Variants in LPAR3 observed in about 807,000 individuals in gnomAD.
LPAR3 encodes lysophosphatidic acid receptor 3, also known as LPA receptor 3.
Under a neutral mutation model 17.8 loss-of-function variants are expected in LPAR3, and 7 were observed. That is an observed-to-expected ratio of 0.39 (90% confidence interval 0.22 to 0.74). LPAR3 has a LOEUF of 0.74. Ranked by LOEUF, LPAR3 falls within the 30% of genes least tolerant of loss-of-function variation. The pLI is 0.40. For missense variants in LPAR3, 391 were observed against 453.4 expected, an observed-to-expected ratio of 0.86 and a Z score of 1.25; for synonymous variants, 179 against 179.9, an observed-to-expected ratio of 0.99 and a Z score of 0.04.
At chr1:84,825,352 G>A (rs941639848) in intron 2 of LPAR3, among the ~76,000 whole-genome samples, 11 of 152,210 alleles carry the variant, frequency 7.2e-5, no homozygotes, top group Non-Finnish European at 1.2e-4. Context: ...TTTGTTAAGT[G>A]TCAGGCACTG....
chr1:84,883,558 T>C (rs1355349363), intron 1 of LPAR3, among the ~76,000 whole-genome samples: 1 of 152,220 alleles, frequency 6.6e-6, no homozygotes, highest in African/African-American at 2.4e-5. Context: ...ACACATTCAC[T>C]GATATACTAG....
intron 2 of LPAR3, among the ~76,000 whole-genome samples, chr1:84,840,684 A>G (rs1659489447): frequency 4.6e-5 from 7 of 152,258 alleles, no homozygotes; most frequent in Admixed American, 4.6e-4. Flanking sequence ...TGAACAATTT[A>G]GTCATTGACA....
At position 84,813,781 on chromosome 1, in the gene LPAR3, A is replaced by G. The variant is rs1020123980; in HGVS notation, c.*65T>C. On this transcript the variant is annotated 3_prime_UTR_variant, in exon 3 of 3. Coordinates refer to ENST00000370611, the MANE Select transcript of LPAR3 (RefSeq NM_012152.3). ...ACTGTACATGGGCTTTGTTAGAGACAGGTAATCATTCTTAACAGCTCTTTT... is the reference window on the plus strand; with the variant it reads ...ACTGTACATGGGCTTTGTTAGAGACGGGTAATCATTCTTAACAGCTCTTTT... 3.3e-5 allele frequency: 41 copies of G among 1,260,512 alleles called. No homozygotes were observed. The Admixed American group carries it at 7.4e-4, about 23-fold the overall frequency. The allele number at this position is 1,260,512 out of a possible 1,614,324, so 78.1% of individuals were successfully genotyped here.
At chr1:84,877,074 T>C (rs1224920067) in intron 1 of LPAR3, among the ~76,000 whole-genome samples, 1 of 152,208 alleles carries the variant, frequency 6.6e-6, no homozygotes, top group Non-Finnish European at 1.5e-5. Flanking sequence ...TTGTGCACCA[T>C]GGAAATTTCA....
In LPAR3 at chr1:84,836,006, CTTTTTTTTTTT is replaced by C. The variant is rs34491570; in HGVS notation, c.737-21846_737-21836del. 1.5e-4 allele frequency among the ~76,000 whole-genome samples: 9 copies of C among 61,744 alleles called. No individual in the cohort carries two copies. In the Admixed American group the frequency reaches 1.6e-3, roughly 11 times the overall value. The allele number at this position is 61,744 out of a possible 152,430, so 40.5% of individuals were successfully genotyped here. A position where few individuals can be genotyped will look rare whatever the true frequency, so the allele number is the denominator to read the frequency against. ...ATATGAATGCCCCCCCAACCCCGGC[CTTTTTTTTTTT>C]TTTTTTTTTTTTTTTTACTTAGAAA... On this transcript the variant is annotated intron_variant, in intron 2 of 2. Coordinates refer to ENST00000370611, the MANE Select transcript of LPAR3 (RefSeq NM_012152.3).
intron 1 of LPAR3, among the ~76,000 whole-genome samples, chr1:84,880,686 A>G (rs1313127940): frequency 6.6e-6 from 1 of 152,186 alleles, no homozygotes; most frequent in Non-Finnish European, 1.5e-5. Context: ...GCGGTAACTG[A>G]CCTGTGGAAC....
chr1:84,840,166 C>T (rs1038361389), intron 2 of LPAR3, among the ~76,000 whole-genome samples: 12 of 152,184 alleles, frequency 7.9e-5, no homozygotes, highest in East Asian at 3.9e-4. Context: ...TCAGGCAGTT[C>T]TCCTGCCTTG....
intron 1 of LPAR3, among the ~76,000 whole-genome samples, chr1:84,883,178 C>G (rs1247457677): frequency 6.6e-6 from 1 of 152,188 alleles, no homozygotes; most frequent in African/African-American, 2.4e-5. Flanking sequence ...CAGTCCACTT[C>G]AAGGTCTAGA....
chr1:84,880,850 C>A (rs1660351861), intron 1 of LPAR3, among the ~76,000 whole-genome samples: 2 of 152,146 alleles, frequency 1.3e-5, no homozygotes, highest in African/African-American at 4.8e-5. Context: ...GAAGGACTTC[C>A]CAGGGGACAA....
chr1:84,878,388 C>T (rs1660296643), intron 1 of LPAR3, among the ~76,000 whole-genome samples: 1 of 152,106 alleles, frequency 6.6e-6, no homozygotes. Context: ...GCAGACACTT[C>T]CAGACTTGGT....
intron 1 of LPAR3, among the ~76,000 whole-genome samples, chr1:84,878,084 T>G (rs1443894318): frequency 1.3e-5 from 2 of 152,144 alleles, no homozygotes; most frequent in Admixed American, 6.5e-5. Context: ...TTATTAAATA[T>G]TTGACTTAAC....
At chr1:84,855,522 T>G (rs1659800039) in intron 2 of LPAR3, among the ~76,000 whole-genome samples, 1 of 152,190 alleles carries the variant, frequency 6.6e-6, no homozygotes, top group African/African-American at 2.4e-5. Flanking sequence ...TTTCTCCACC[T>G]TGCACTCAGA....
chr1:84,858,085 A>C (rs1294034901), intron 2 of LPAR3, among the ~76,000 whole-genome samples: 1 of 152,198 alleles, frequency 6.6e-6, no homozygotes, highest in African/African-American at 2.4e-5. Flanking sequence ...CGCTGACCTC[A>C]TCATAAGAAG....
intron 1 of LPAR3, among the ~76,000 whole-genome samples, chr1:84,869,530 C>T (rs1660118970): frequency 6.6e-6 from 1 of 152,004 alleles, no homozygotes; most frequent in Non-Finnish European, 1.5e-5. Context: ...CAAGAAAAAG[C>T]CCATGTCATT....
intron 2 of LPAR3, among the ~76,000 whole-genome samples, chr1:84,864,615 C>G (rs1660004124): frequency 6.6e-6 from 1 of 152,024 alleles, no homozygotes; most frequent in Non-Finnish European, 1.5e-5. Context: ...AACCCCATCT[C>G]TACTAAAAAT....
intron 1 of LPAR3, among the ~76,000 whole-genome samples, chr1:84,873,865 G>A (rs1557606825): frequency 6.6e-6 from 1 of 151,690 alleles, no homozygotes; most frequent in East Asian, 1.9e-4. Context: ...TGATTCTCCT[G>A]CTTCAGCCTC....
rs1356121665 is a variant in LPAR3, at chr1:84,813,630, G to A, written c.*216C>T. The stretch of plus-strand genomic sequence containing the variant: ...TTCATAGGACAAGCAGGGACCCGCC[G>A]AACCTCTCCCGTTTCTGTGCTTTCT... On this transcript the variant is annotated 3_prime_UTR_variant, in exon 3 of 3. Coordinates refer to ENST00000370611, the MANE Select transcript of LPAR3 (RefSeq NM_012152.3). 7.6e-6 allele frequency: 4 copies of A among 526,856 alleles called. No homozygotes were observed. Among genetic ancestry groups the A allele is most frequent in the East Asian group, 3.2e-5 (1 of 31,654 alleles). 32.6% of individuals were successfully genotyped at this position (526,856 alleles called of 1,614,324 possible).
chr1:84,892,086 G>A (rs1660562657), intron 1 of LPAR3, among the ~76,000 whole-genome samples: 2 of 151,998 alleles, frequency 1.3e-5, no homozygotes, highest in East Asian at 1.9e-4. Flanking sequence ...GGTGGTGGGC[G>A]CCTGCAATCC....
intron 2 of LPAR3, among the ~76,000 whole-genome samples, chr1:84,853,691 G>A (rs973133815): frequency 1.3e-5 from 2 of 152,078 alleles, no homozygotes; most frequent in Non-Finnish European, 2.9e-5. Flanking sequence ...TCTGGCATCT[G>A]AGCTACCTCC....
Sources: gnomAD v4.1 joint callset for allele counts (sites outside exome capture counted in the v4.1 genomes callset) on GRCh38, gnomAD v4.1.1 for gene constraint, MANE v1.5 for transcripts, NCBI Gene and HGNC (gene_info 2026-07-23, HGNC 2026-07-21) for gene names.